KCNQ3: variants seen among roughly 807,000 people sequenced by gnomAD.
The protein encoded by KCNQ3 is potassium voltage-gated channel subfamily KQT member 3.
A neutral mutation model predicts 92.5 loss-of-function variants in KCNQ3; 30 were observed. The ratio of observed to expected loss-of-function variants is 0.32; its 90% CI spans 0.24 to 0.44. KCNQ3 has a LOEUF of 0.44. Among genes scored for constraint, KCNQ3 ranks in the 20% least tolerant of loss-of-function variants. The pLI is 1.00. For synonymous variants in KCNQ3, 450 were observed against 468.8 expected (o/e 0.96, Z 0.52); for missense variants, 913 against 1,140.3 (o/e 0.80, Z 2.87).
intron 1 of KCNQ3, among the ~76,000 whole-genome samples, chr8:132,253,074 C>T (rs1815468772): frequency 1.3e-5 from 2 of 152,328 alleles, no homozygotes; most frequent in African/African-American, 4.8e-5. Context: ...AACGGCACTT[C>T]TGCATCCCTT....
rs117067374 is a variant in KCNQ3, at chr8:132,375,589, C to A, written c.386+104558G>T. ...GAGGTCCTGGGGTATGGAGAAAGGGCAAACCACACTTTAAGAATAGCTGCT... is the reference window on the plus strand; with the variant it reads ...GAGGTCCTGGGGTATGGAGAAAGGGAAAACCACACTTTAAGAATAGCTGCT... On this transcript the variant is annotated intron_variant, in intron 1 of 14. Coordinates refer to ENST00000388996, the MANE Select transcript of KCNQ3 (RefSeq NM_004519.4). Among the ~76,000 whole-genome samples, 208 of 152,258 alleles carry A rather than the reference C, an allele frequency of 1.4e-3. 6 individuals carry two copies. In the East Asian group the frequency reaches 0.038, roughly 28 times the overall value.
chr8:132,215,513 C>G (rs1315938769), intron 1 of KCNQ3, among the ~76,000 whole-genome samples: 1 of 152,322 alleles, frequency 6.6e-6, no homozygotes. Flanking sequence ...GTTCTAAAAC[C>G]TTGGGCAGTT....
At chr8:132,147,662 TGATA>T (rs1162094907) in intron 9 of KCNQ3, among the ~76,000 whole-genome samples, 27 of 152,034 alleles carry the variant, frequency 1.8e-4, no homozygotes, top group African/African-American at 5.8e-4. Flanking sequence ...GGTGCATGGA[TGATA>T]GATGGATGGA....
chr8:132,344,696 C>A (rs1818629081), intron 1 of KCNQ3, among the ~76,000 whole-genome samples: 2 of 152,112 alleles, frequency 1.3e-5, no homozygotes, highest in Admixed American at 6.5e-5. Flanking sequence ...GGAGAGATCA[C>A]AACATAGGCT....
rs530079760 is a variant in KCNQ3 at position 132,318,738 on chromosome 8, TG to T, written c.387-132558del. Among the ~76,000 whole-genome samples, 319 of 152,324 alleles carry T rather than the reference TG, an allele frequency of 2.1e-3. 1 individual carries two copies. The highest frequency in any genetic ancestry group is 7.4e-3 in the African/African-American group (307 of 41,570). ...AAAATGCTAAAAGGAAGGGAACGGATGTGATGTGTTCACTCACTGAACAATT... is the reference window on the plus strand; with the variant it reads ...AAAATGCTAAAAGGAAGGGAACGGATTGATGTGTTCACTCACTGAACAATT... On this transcript the variant is annotated intron_variant, in intron 1 of 14. Coordinates refer to ENST00000388996, the MANE Select transcript of KCNQ3 (RefSeq NM_004519.4).
intron 9 of KCNQ3, among the ~76,000 whole-genome samples, chr8:132,162,159 G>A (rs1826010579): frequency 6.6e-6 from 1 of 152,178 alleles, no homozygotes; most frequent in Admixed American, 6.5e-5. Context: ...GCATCCCCAG[G>A]AAAGCCTCAA....
At chr8:132,469,076 A>G in intron 1 of KCNQ3, among the ~76,000 whole-genome samples, 1 of 152,232 alleles carries the variant, frequency 6.6e-6, no homozygotes, top group East Asian at 1.9e-4. Flanking sequence ...TCAAAACTTC[A>G]CATTGACTTC....
chr8:132,459,919 G>T (rs1822024594), intron 1 of KCNQ3, among the ~76,000 whole-genome samples: 1 of 150,284 alleles, frequency 6.7e-6, no homozygotes. Flanking sequence ...TATCAGTATG[G>T]GCTTGTGGAT....
intron 1 of KCNQ3, among the ~76,000 whole-genome samples, chr8:132,459,382 G>A (rs56051427): frequency 0.029 from 4,432 of 152,252 alleles, 72 homozygotes; most frequent in African/African-American, 0.051. Context: ...CATCCAGTGA[G>A]GACCTCCAGT....
chr8:132,135,631 T>TATTA (rs1434580067), intron 12 of KCNQ3, among the ~76,000 whole-genome samples: 6 of 152,254 alleles, frequency 3.9e-5, no homozygotes, highest in African/African-American at 1.4e-4. Context: ...ACTCTATGCT[T>TATTA]ATTAAAATTG....
intron 1 of KCNQ3, among the ~76,000 whole-genome samples, chr8:132,314,452 A>G (rs1586919699): frequency 6.6e-6 from 1 of 152,344 alleles, no homozygotes; most frequent in East Asian, 1.9e-4. Flanking sequence ...ATTTTGGTGA[A>G]GACATGGGGA....
Position 132,155,871 on chromosome 8 carries a change from G to C in KCNQ3, c.1262+7597C>G, listed in dbSNP as rs371499547. ...GCAAGGAGGAAGCAGGATTGTGATT[G>C]GACTGACCACTGGATTGGAAGGAAC... is the stretch of plus-strand genomic sequence containing the variant. On this transcript the variant is annotated intron_variant, in intron 9 of 14. Transcript: ENST00000388996. 4.7e-4 allele frequency among the ~76,000 whole-genome samples: 72 copies of C among 152,230 alleles called. No homozygotes were observed. The South Asian group carries it at 0.014, about 30-fold the overall frequency.
intron 1 of KCNQ3, among the ~76,000 whole-genome samples, chr8:132,432,651 C>G (rs540378599): frequency 6.6e-6 from 1 of 152,284 alleles, no homozygotes; most frequent in South Asian, 2.1e-4. Context: ...ATTCCCTACT[C>G]TGTTAACAGG....
At chr8:132,252,801 A>G (rs777396761) in intron 1 of KCNQ3, among the ~76,000 whole-genome samples, 1 of 152,172 alleles carries the variant, frequency 6.6e-6, no homozygotes, top group Admixed American at 6.5e-5. Context: ...TCCTTTAGCT[A>G]GACAGAAAAA....
At position 132,419,110 on chromosome 8, in the gene KCNQ3, A is replaced by G. The variant is rs534024820; in HGVS notation, c.386+61037T>C. On this transcript the variant is annotated intron_variant, in intron 1 of 14. Transcript: ENST00000388996. The stretch of plus-strand genomic sequence containing the variant: ...AAGAGATCCATCTAAAAAGGTCAAT[A>G]CAATGCCTTCCAGTCCAAAAGCCTA... 2.6e-5 allele frequency among the ~76,000 whole-genome samples: 4 copies of G among 152,304 alleles called. No homozygotes were observed. The South Asian group carries it at 8.3e-4, about 32-fold the overall frequency.
intron 1 of KCNQ3, chr8:132,187,360 A>G (rs1260287554): frequency 2.3e-6 from 1 of 425,712 alleles, no homozygotes; most frequent in Non-Finnish European, 4.7e-6. Context: ...AAGGACCATG[A>G]TGTAAGGCGG....
chr8:132,247,738 C>A (rs1248655175), intron 1 of KCNQ3, among the ~76,000 whole-genome samples: 1 of 151,138 alleles, frequency 6.6e-6, no homozygotes, highest in African/African-American at 2.4e-5. Flanking sequence ...GCGGAGGATG[C>A]AGTGAGCCAA....
chr8:132,272,391 C>T (rs1322097577), intron 1 of KCNQ3, among the ~76,000 whole-genome samples: 1 of 152,182 alleles, frequency 6.6e-6, no homozygotes, highest in African/African-American at 2.4e-5. Context: ...CTTTCTGTAG[C>T]CACTGTCTAG....
chr8:132,321,019 G>A (rs1467802882), intron 1 of KCNQ3, among the ~76,000 whole-genome samples: 1 of 152,198 alleles, frequency 6.6e-6, no homozygotes, highest in Non-Finnish European at 1.5e-5. Flanking sequence ...ATATTCAAAT[G>A]GTCTAAGACA....
Sources: allele counts gnomAD v4.1 joint callset (sites outside exome capture counted in the v4.1 genomes callset), GRCh38; gene constraint gnomAD v4.1.1; transcripts MANE v1.5; gene names NCBI Gene and HGNC (gene_info 2026-07-23, HGNC 2026-07-21).